TMEM178B: variants seen among roughly 807,000 people sequenced by gnomAD.
TMEM178B encodes the protein transmembrane protein 178B.
In TMEM178B, 5 loss-of-function variants were observed where a neutral mutation model predicts 31.0. The ratio of observed to expected loss-of-function variants is 0.16; its 90% confidence interval spans 0.08 to 0.34. The LOEUF is 0.34. Ranked by LOEUF, TMEM178B falls within the 10% of genes least tolerant of loss-of-function variation. TMEM178B has a pLI of 1.00. For missense variants in TMEM178B, 275 were observed against 400.3 expected (o/e 0.69, Z 2.67); for synonymous variants, 164 against 164.0 (o/e 1.00, Z 0.00).
intron 2 of TMEM178B, among the ~76,000 whole-genome samples, chr7:141,330,335 C>T (rs544016350): frequency 1.3e-5 from 2 of 152,228 alleles, no homozygotes; most frequent in Admixed American, 1.3e-4. Context: ...TCCATGTGTT[C>T]TCATTGTTCA....
At chr7:141,159,089 C>T (rs930993990) in intron 1 of TMEM178B, among the ~76,000 whole-genome samples, 2 of 152,144 alleles carry the variant, frequency 1.3e-5, no homozygotes, top group Middle Eastern at 3.4e-3. Context: ...CCATCTTCAG[C>T]GGCCCCTTCC....
In TMEM178B at chr7:141,243,812, G is replaced by A. The variant is rs911050740; in HGVS notation, c.496+31108G>A. 3.3e-5 allele frequency among the ~76,000 whole-genome samples: 5 copies of A among 152,152 alleles called. No homozygotes were observed. The South Asian group carries it at 6.2e-4, about 19-fold the overall frequency. ...TGAGGGGAAGGAAAGTAATAGTGGC[G>A]AGTGTATTTTCATGTTCCATTTCAC... On this transcript the variant is annotated intron_variant, in intron 2 of 3. Coordinates refer to ENST00000565468, the MANE Select transcript of TMEM178B (RefSeq NM_001195278.2).
chr7:141,178,832 G>A (rs114869107), intron 1 of TMEM178B, among the ~76,000 whole-genome samples: 84 of 152,114 alleles, frequency 5.5e-4, no homozygotes, highest in African/African-American at 1.4e-3. Flanking sequence ...ATAATTTTCC[G>A]TGGCCTCCAA....
chr7:141,203,948 A>G (rs1171598186), intron 1 of TMEM178B, among the ~76,000 whole-genome samples: 1 of 152,232 alleles, frequency 6.6e-6, no homozygotes, highest in African/African-American at 2.4e-5. Flanking sequence ...TAGATGGGTG[A>G]ATACCAAGAG....
At chr7:141,181,302 C>T (rs1398301836) in intron 1 of TMEM178B, among the ~76,000 whole-genome samples, 1 of 152,206 alleles carries the variant, frequency 6.6e-6, no homozygotes, top group Non-Finnish European at 1.5e-5. Flanking sequence ...TTTGCTAAAA[C>T]TCATGATAAA....
At chr7:141,503,391 A>G in the TMEM178B span, among the ~76,000 whole-genome samples, 1 of 152,258 alleles carries the variant, frequency 6.6e-6, no homozygotes, top group African/African-American at 2.4e-5. Flanking sequence ...GCCAAAGCCT[A>G]TGCTGGTAGC....
intron 2 of TMEM178B, among the ~76,000 whole-genome samples, chr7:141,250,335 A>T (rs114762016): frequency 0.01 from 1,532 of 152,308 alleles, 29 homozygotes; most frequent in African/African-American, 0.035. Flanking sequence ...TATAGATGAG[A>T]AAATTGAAGT....
chr7:141,259,325 A>G (rs1397755626), intron 2 of TMEM178B, among the ~76,000 whole-genome samples: 3 of 152,144 alleles, frequency 2.0e-5, no homozygotes, highest in Non-Finnish European at 4.4e-5. Flanking sequence ...TACCTATTTG[A>G]TGAGTCATTG....
intron 1 of TMEM178B, among the ~76,000 whole-genome samples, chr7:141,159,196 A>G (rs902232897): frequency 1.3e-5 from 2 of 151,988 alleles, no homozygotes; most frequent in African/African-American, 2.4e-5. Context: ...CCAGGGCCTC[A>G]TGATGACCTT....
At chr7:141,288,822 T>C (rs1248212176) in intron 2 of TMEM178B, among the ~76,000 whole-genome samples, 2 of 152,218 alleles carry the variant, frequency 1.3e-5, no homozygotes, top group African/African-American at 2.4e-5. Flanking sequence ...TTCCTTACCT[T>C]GCGTTCTGCT....
chr7:141,429,628 A>G (rs1801386102), intron 2 of TMEM178B: 1 of 152,360 alleles, frequency 6.6e-6, no homozygotes, highest in South Asian at 2.1e-4. Context: ...GATCTATTGT[A>G]CAGTAAGGTG....
At chr7:141,297,888 G>T (rs1466979703) in intron 2 of TMEM178B, among the ~76,000 whole-genome samples, 1 of 152,148 alleles carries the variant, frequency 6.6e-6, no homozygotes, top group Non-Finnish European at 1.5e-5. Context: ...AGGATGGCTG[G>T]GTCAAATGGT....
intron 2 of TMEM178B, among the ~76,000 whole-genome samples, chr7:141,281,927 AT>A (rs1197665567): frequency 6.6e-6 from 1 of 152,184 alleles, no homozygotes; most frequent in African/African-American, 2.4e-5. Context: ...TGAAAAAAAA[AT>A]TAGGTAAGAG....
intron 1 of TMEM178B, among the ~76,000 whole-genome samples, chr7:141,158,695 G>A (rs945913148): frequency 2.0e-5 from 3 of 152,136 alleles, no homozygotes; most frequent in Non-Finnish European, 4.4e-5. Flanking sequence ...TAGATCTCAC[G>A]CTGTCCTCTG....
intron 3 of TMEM178B, among the ~76,000 whole-genome samples, chr7:141,446,718 G>T (rs1290256905): frequency 6.6e-6 from 1 of 152,064 alleles, no homozygotes; most frequent in Admixed American, 6.6e-5. Context: ...TTCATGCCTT[G>T]CTTCAATTTT....
At chr7:141,436,574 G>C (rs1801545833) in intron 2 of TMEM178B, among the ~76,000 whole-genome samples, 2 of 152,086 alleles carry the variant, frequency 1.3e-5, no homozygotes, top group African/African-American at 4.8e-5. Context: ...TGAGCAGAGG[G>C]TCAGAAGGTT....
chr7:141,158,121 A>G (rs921739407), intron 1 of TMEM178B, among the ~76,000 whole-genome samples: 36 of 152,056 alleles, frequency 2.4e-4, no homozygotes, highest in Admixed American at 2.4e-3. Flanking sequence ...TTTGAGATGG[A>G]GTCTCACTCT....
chr7:141,243,879 C>A (rs1010662071), intron 2 of TMEM178B, among the ~76,000 whole-genome samples: 2 of 152,142 alleles, frequency 1.3e-5, no homozygotes, highest in African/African-American at 4.8e-5. Flanking sequence ...TTTTGCTTGA[C>A]CTGTCAAGAC....
At chr7:141,361,518 C>T (rs186173011) in intron 2 of TMEM178B, among the ~76,000 whole-genome samples, 1 of 152,150 alleles carries the variant, frequency 6.6e-6, no homozygotes, top group Admixed American at 6.5e-5. Context: ...ATTTAAAAAT[C>T]AGGAGATTTT....
Sources: allele counts gnomAD v4.1 joint callset (sites outside exome capture counted in the v4.1 genomes callset), GRCh38; gene constraint gnomAD v4.1.1; transcripts MANE v1.5; gene names NCBI Gene and HGNC (gene_info 2026-07-23, HGNC 2026-07-21).